Variants in ALDH4A1 observed in about 807,000 individuals in gnomAD.
ALDH4A1 encodes the protein delta-1-pyrroline-5-carboxylate dehydrogenase, mitochondrial.
ALDH4A1 carries 46 observed loss-of-function variants against 70.5 expected under a neutral mutation model. That is an observed-to-expected ratio of 0.65 (90% CI 0.51 to 0.83). The LOEUF (loss-of-function observed/expected upper bound fraction) is 0.83, where lower values mean the gene tolerates loss of function less well. Among genes scored for constraint, ALDH4A1 ranks in the 40% least tolerant of loss-of-function variants. ALDH4A1 has a pLI of 0.00. For synonymous variants in ALDH4A1, 323 were observed against 324.3 expected (o/e 1.00, Z 0.04); for missense variants, 749 against 766.5 (o/e 0.98, Z 0.27).
At chr1:18,902,432 C>A in intron 1 of ALDH4A1, 30 bp downstream of exon 1, 1 of 1,313,792 alleles carries the variant, frequency 7.6e-7, no homozygotes, top group South Asian at 2.1e-5. Context: ...GGCGCGCGCT[C>A]GGGCCGCCCC....
chr1:18,902,011 C>G (rs145305575), intron 1 of ALDH4A1, among the ~76,000 whole-genome samples: 40 of 149,372 alleles, frequency 2.7e-4, no homozygotes, highest in African/African-American at 8.9e-4. Context: ...AAGGAGAGGA[C>G]TCGGGGAATC....
chr1:18,879,750 A>G (rs1341174002), intron 8 of ALDH4A1, among the ~76,000 whole-genome samples: 2 of 152,180 alleles, frequency 1.3e-5, no homozygotes, highest in Non-Finnish European at 2.9e-5. Context: ...CATGCTGGGC[A>G]CACTGCAGGT....
chr1:18,886,262 G>A (rs1343473866), intron 4 of ALDH4A1, among the ~76,000 whole-genome samples: 1 of 152,168 alleles, frequency 6.6e-6, no homozygotes, highest in Non-Finnish European at 1.5e-5. Flanking sequence ...TTTGGCTCAA[G>A]TTAACCTTTG....
At chr1:18,887,227 C>T (rs1302142445) in intron 3 of ALDH4A1, among the ~76,000 whole-genome samples, 4 of 152,278 alleles carry the variant, frequency 2.6e-5, no homozygotes, top group Admixed American at 2.6e-4. Context: ...CCAAGTGAAA[C>T]ATTTCACAGG....
intron 5 of ALDH4A1, among the ~76,000 whole-genome samples, chr1:18,884,808 C>T (rs547057974): frequency 1.8e-4 from 28 of 152,252 alleles, no homozygotes; most frequent in Admixed American, 5.2e-4. Context: ...GGAAGTCTCA[C>T]GGAGGGGGTG....
rs544697993 is a variant in ALDH4A1 at position 18,890,223 on chromosome 1, A to G, written c.63-118T>C. 2.1e-5 allele frequency: 17 copies of G among 827,618 alleles called. No individual in the cohort carries two copies. In the African/African-American group the frequency reaches 2.9e-4, roughly 14 times the overall value. 51.3% of individuals were successfully genotyped at this position (827,618 alleles called of 1,614,324 possible). A position where few individuals can be genotyped will look rare whatever the true frequency, so the allele number is the denominator to read the frequency against. ...GTGGGCACCCAGAGCCTGAAATCCA[A>G]TGCAACTAGAAAGTGGGGGGTCAAA... On this transcript the variant is annotated intron_variant, in intron 1 of 14. Coordinates refer to ENST00000375341, the MANE Select transcript of ALDH4A1 (RefSeq NM_003748.4).
At chr1:18,877,157 C>T (rs754377425) in intron 11 of ALDH4A1, 51 bp downstream of exon 11, 2 of 1,585,708 alleles carry the variant, frequency 1.3e-6, no homozygotes, top group South Asian at 1.1e-5. Context: ...CCCTCTTCCA[C>T]CCACTCCAGG....
chr1:18,897,925 T>C (rs1163861534), intron 1 of ALDH4A1, among the ~76,000 whole-genome samples: 1 of 152,122 alleles, frequency 6.6e-6, no homozygotes, highest in Admixed American at 6.5e-5. Context: ...CTTCACTCCA[T>C]GCCATGACCT....
rs1934587295 is a variant in ALDH4A1, at chr1:18,874,534, T to C, written c.1508A>G (p.Asn503Ser). Residue 503 changes from asparagine to serine, a missense_variant, in exon 14 of 15, where the codon AAC (asparagine) becomes AGC (serine). Physicochemically the swap from Asn to Ser is conservative, Grantham distance 46. Transcript: ENST00000375341. ...AGTGGACTTGTCGTTGATGTAGAAG[T>C]TGCCGGCAGCATTCCTCAGCACCTT... ...ATKVLRNAAG[N>S]FYINDKSTGS... 4.3e-6 allele frequency: 7 copies of C among 1,614,102 alleles called. No homozygotes were observed. Among genetic ancestry groups the C allele is most frequent in the Admixed American group, 1.7e-5 (1 of 60,008 alleles).
At chr1:18,902,241 C>T (rs562804512) in intron 1 of ALDH4A1, among the ~76,000 whole-genome samples, 57 of 152,190 alleles carry the variant, frequency 3.7e-4, no homozygotes, top group African/African-American at 1.3e-3. Context: ...GGGGTCCCCT[C>T]GCTAAAGGAA....
At chr1:18,878,373 C>CT (rs1934815559) in intron 9 of ALDH4A1, among the ~76,000 whole-genome samples, 1 of 152,102 alleles carries the variant, frequency 6.6e-6, no homozygotes, top group Admixed American at 6.5e-5. Context: ...GAAGGAGGCT[C>CT]TGAGAGCAGA....
chr1:18,893,547 G>A (rs1243961499), intron 1 of ALDH4A1, among the ~76,000 whole-genome samples: 1 of 151,960 alleles, frequency 6.6e-6, no homozygotes, highest in Admixed American at 6.5e-5. Context: ...CTGTCACCCA[G>A]GCTGAAGTGC....
chr1:18,893,934 C>T (rs1935529686), intron 1 of ALDH4A1, among the ~76,000 whole-genome samples: 1 of 152,214 alleles, frequency 6.6e-6, no homozygotes, highest in African/African-American at 2.4e-5. Flanking sequence ...TGAATCTATG[C>T]TCCCCGGTGG....
In ALDH4A1 at chr1:18,872,813, C is replaced by CA; in HGVS notation, c.*31dup. 1 of 1,584,904 alleles carries CA rather than the reference C, an allele frequency of 6.3e-7. No individual in the cohort carries two copies. The highest frequency in any genetic ancestry group is 8.6e-7 in the Non-Finnish European group (1 of 1,156,126). ...CAGTGAGGTCGGCCACCTGGACGGA[C>CA]AGACAGCTGGACGGTGGAGCCCGAG... On this transcript the variant is annotated 3_prime_UTR_variant, in exon 15 of 15. Transcript: ENST00000375341.
intron 1 of ALDH4A1, chr1:18,900,734 G>A (rs1935771508): frequency 1.8e-6 from 1 of 544,726 alleles, no homozygotes; most frequent in African/African-American, 2.1e-5. Context: ...GCTGCAAAAT[G>A]CTCTTTCTCT....
chr1:18,885,455 G>GCCCCCCCCCCCCCC lies in ALDH4A1; in HGVS notation c.453+17_453+18insGGGGGGGGGGGGGG. ...CACCCCACCCCGCCCCACCCACCCG[G>GCCCCCCCCCCCCCC]GCCCACCAGCACCTCACCTGTCCCA... On this transcript the variant is annotated intron_variant, in intron 5 of 14. Coordinates refer to ENST00000375341, the MANE Select transcript of ALDH4A1 (RefSeq NM_003748.4). The GCCCCCCCCCCCCCC allele has an allele frequency of 3.4e-6, 1 of 292,248 alleles. No individual in the cohort carries two copies. Among genetic ancestry groups the GCCCCCCCCCCCCCC allele is most frequent in the Non-Finnish European group, 5.5e-6 (1 of 181,766 alleles). 18.1% of individuals were successfully genotyped at this position (292,248 alleles called of 1,614,324 possible).
chr1:18,891,864 C>A (rs1458233120), intron 1 of ALDH4A1, among the ~76,000 whole-genome samples: 2 of 151,980 alleles, frequency 1.3e-5, no homozygotes, highest in Non-Finnish European at 2.9e-5. Flanking sequence ...CCCGTCTCTA[C>A]TAAAAATACA....
rs1569724522 is a variant in ALDH4A1, at chr1:18,876,614, G to GT, written c.1186-148_1186-147insA. 9.6e-6 allele frequency: 8 copies of GT among 833,082 alleles called. No homozygotes were observed. The East Asian group carries it at 2.5e-4, about 26-fold the overall frequency. The allele number at this position is 833,082 out of a possible 1,614,324, so 51.6% of individuals were successfully genotyped here. A position where few individuals can be genotyped will look rare whatever the true frequency, so the allele number is the denominator to read the frequency against. On this transcript the variant is annotated intron_variant, in intron 11 of 14. Coordinates refer to ENST00000375341, the MANE Select transcript of ALDH4A1 (RefSeq NM_003748.4). ...GGGGTAGGGGACGCCAAGGGCAAAA[G>GT]CCAGGGTCTGGCTGAGCCACAGCAG...
intron 2 of ALDH4A1, among the ~76,000 whole-genome samples, 189 bp downstream of exon 2, chr1:18,889,823 G>A (rs955836664): frequency 1.3e-5 from 2 of 152,210 alleles, no homozygotes; most frequent in Admixed American, 1.3e-4. Context: ...GTAGCTCCAG[G>A]CTGCCACCTT....
Sources: gnomAD v4.1 joint callset for allele counts (sites outside exome capture counted in the v4.1 genomes callset) on GRCh38, gnomAD v4.1.1 for gene constraint, MANE v1.5 for transcripts, NCBI Gene and HGNC (gene_info 2026-07-23, HGNC 2026-07-21) for gene names.